Variants in XIRP2 observed in about 807,000 individuals in gnomAD.
XIRP2 encodes the protein xin actin binding repeat containing 2, also known as xin actin-binding repeat-containing protein 2.
XIRP2 carries 236 observed loss-of-function variants against 277.0 expected under a neutral mutation model. The observed-to-expected ratio is 0.85, with a 90% CI of 0.77 to 0.95. The LOEUF (loss-of-function observed/expected upper bound fraction) is 0.95. XIRP2 is among the 40% of genes least tolerant of loss of function. The pLI, the probability that XIRP2 is intolerant of heterozygous loss-of-function variation, is 0.00. For missense variants in XIRP2, 4,640 were observed against 4,157.5 expected (o/e 1.12, Z -3.19); for synonymous variants, 1,490 against 1,416.5 (o/e 1.05, Z -1.17).
At chr2:167,220,552 CAG>C (rs1414077353) in intron 5 of XIRP2, among the ~76,000 whole-genome samples, 9 of 152,208 alleles carry the variant, frequency 5.9e-5, no homozygotes, top group Non-Finnish European at 1.0e-4. Flanking sequence ...CTTAACCTCT[CAG>C]AATCACTTCC....
At chr2:167,240,616 A>G (rs1442929631) in intron 6 of XIRP2, 48 bp from the exon 7 acceptor site, 1 of 1,524,922 alleles carries the variant, frequency 6.6e-7, no homozygotes, top group Admixed American at 1.7e-5. Context: ...GTACTAAAAT[A>G]ATTGACTTCT....
intron 2 of XIRP2, among the ~76,000 whole-genome samples, chr2:166,974,045 C>T (rs1251258922): frequency 6.6e-6 from 1 of 152,146 alleles, no homozygotes; most frequent in Non-Finnish European, 1.5e-5. Flanking sequence ...CAAAAGACAA[C>T]TACATAAAGA....
At chr2:167,052,522 G>T (rs1688940957) in intron 2 of XIRP2, among the ~76,000 whole-genome samples, 1 of 152,046 alleles carries the variant, frequency 6.6e-6, no homozygotes, top group African/African-American at 2.4e-5. Flanking sequence ...GGATTAACTT[G>T]AATCAGTTAA....
chr2:166,905,615 A>G (rs1164231489), intron 2 of XIRP2, among the ~76,000 whole-genome samples: 4 of 152,004 alleles, frequency 2.6e-5, no homozygotes, highest in African/African-American at 7.2e-5. Flanking sequence ...CTATGTCATA[A>G]TATGGTATTT....
At position 167,244,626 on chromosome 2, in the gene XIRP2, TA is replaced by T. The variant is rs752820304; in HGVS notation, c.3238del (p.Thr1080LeufsTer33). On this transcript the variant is annotated frameshift_variant, in exon 9 of 11. Coordinates refer to ENST00000409195, the MANE Select transcript of XIRP2 (RefSeq NM_152381.6). LOFTEE classifies it high-confidence loss of function. ...TTAGTGATGTGGAAGAAACAGAAAG[TA>T]AAACTGAACAAACTAGAGATATTGT... ...YFSDVEETES[K>X]TEQTRDIVKG... 2 of 1,612,846 alleles carry T rather than the reference TA, an allele frequency of 1.2e-6. No homozygotes were observed. Among genetic ancestry groups the T allele is most frequent in the Non-Finnish European group, 1.7e-6 (2 of 1,179,512 alleles).
At chr2:167,220,463 T>C (rs1221299970) in intron 5 of XIRP2, among the ~76,000 whole-genome samples, 3 of 152,230 alleles carry the variant, frequency 2.0e-5, no homozygotes, top group African/African-American at 7.2e-5. Flanking sequence ...GCTTAACACA[T>C]TGCCTGGTCC....
chr2:167,240,643 T>G (rs754451860), intron 6 of XIRP2, 21 bp from the exon 7 acceptor site: 13 of 1,607,846 alleles, frequency 8.1e-6, no homozygotes, highest in Non-Finnish European at 1.0e-5. Flanking sequence ...CAATTTATTT[T>G]CAAATTCTCT....
intron 3 of XIRP2, among the ~76,000 whole-genome samples, chr2:167,201,234 G>T (rs1170432311): frequency 9.9e-6 from 1 of 101,186 alleles, no homozygotes; most frequent in Non-Finnish European, 1.8e-5. Context: ...AAGAAAGAAA[G>T]AAAGAAAGAA....
intron 2 of XIRP2, among the ~76,000 whole-genome samples, chr2:166,936,448 T>A (rs1024497406): frequency 1.3e-5 from 2 of 152,262 alleles, no homozygotes; most frequent in South Asian, 4.1e-4. Flanking sequence ...TGGCTTTTGT[T>A]GCTACTGCTT....
intron 3 of XIRP2, among the ~76,000 whole-genome samples, chr2:167,137,913 C>G (rs996873270): frequency 6.6e-6 from 1 of 152,010 alleles, no homozygotes; most frequent in Admixed American, 6.6e-5. Context: ...TCATGGGGCC[C>G]CAAATTTCTA....
At position 167,245,267 on chromosome 2, in the gene XIRP2, A is replaced by G. The variant is rs1484587462; in HGVS notation, c.3875A>G (p.Asp1292Gly). 2.6e-5 allele frequency: 42 copies of G among 1,613,526 alleles called. No homozygotes were observed. Among genetic ancestry groups the G allele is most frequent in the Non-Finnish European group, 3.4e-5 (40 of 1,179,722 alleles). ...TTAGATGAGATTAAAGAAGAATCTG[A>G]CTATATCAGCACCAAGAAAACAATT... ...FSLDEIKEES[D>G]YISTKKTITE... Residue 1292 changes from aspartate (D) to glycine (G), a missense_variant, in exon 9 of 11, where the codon GAC becomes GGC. Transcript: ENST00000409195.
At chr2:167,075,516 A>G (rs1689541919) in intron 2 of XIRP2, among the ~76,000 whole-genome samples, 1 of 152,146 alleles carries the variant, frequency 6.6e-6, no homozygotes, top group African/African-American at 2.4e-5. Context: ...AGCCAATTTT[A>G]TTAGATTGCT....
intron 2 of XIRP2, among the ~76,000 whole-genome samples, chr2:167,120,123 C>G (rs1691013897): frequency 6.6e-6 from 1 of 152,032 alleles, no homozygotes; most frequent in Non-Finnish European, 1.5e-5. Flanking sequence ...GTTTTTTGAC[C>G]AGCTGTAGTC....
chr2:166,888,863 G>A (rs946898226), intron 1 of XIRP2, among the ~76,000 whole-genome samples: 1 of 152,184 alleles, frequency 6.6e-6, no homozygotes, highest in Admixed American at 6.5e-5. Context: ...ACGTAAGTTT[G>A]GCTATATATT....
intron 3 of XIRP2, among the ~76,000 whole-genome samples, chr2:167,175,408 G>C (rs1234649947): frequency 6.6e-6 from 1 of 152,120 alleles, no homozygotes; most frequent in Non-Finnish European, 1.5e-5. Flanking sequence ...CTGCAGGTGT[G>C]CTGGAGTTTG....
chr2:167,150,612 C>T (rs1363182397), intron 3 of XIRP2, among the ~76,000 whole-genome samples: 1 of 151,840 alleles, frequency 6.6e-6, no homozygotes, highest in Admixed American at 6.6e-5. Flanking sequence ...TAGGAAGTGT[C>T]TGAGATGTAT....
Position 167,021,746 on chromosome 2 carries a change from G to A in XIRP2, c.409-114163G>A, listed in dbSNP as rs183641329. ...AGGTGGAGGTGGGAGGATCTCATGAGCCCAAGAGATTGAGGCTGTGGTGAG... is the reference window on the plus strand; with the variant it reads ...AGGTGGAGGTGGGAGGATCTCATGAACCCAAGAGATTGAGGCTGTGGTGAG... On this transcript the variant is annotated intron_variant, in intron 2 of 10. Transcript: ENST00000409195. 5.3e-5 allele frequency among the ~76,000 whole-genome samples: 8 copies of A among 152,152 alleles called. 1 individual carries two copies. The East Asian group carries it at 1.6e-3, about 30-fold the overall frequency.
intron 2 of XIRP2, 39 bp from the exon 3 acceptor site, chr2:167,135,870 A>G: frequency 6.6e-7 from 1 of 1,515,494 alleles, no homozygotes; most frequent in Non-Finnish European, 8.8e-7. Flanking sequence ...TTTCCTACTG[A>G]TAGCTTTTAA....
chr2:167,184,159 G>A (rs1260376688), intron 3 of XIRP2, among the ~76,000 whole-genome samples: 1 of 152,074 alleles, frequency 6.6e-6, no homozygotes, highest in African/African-American at 2.4e-5. Flanking sequence ...AACCTTTGCT[G>A]GTTCATCTGT....
Sources: gnomAD v4.1 joint callset for allele counts (sites outside exome capture counted in the v4.1 genomes callset) on GRCh38, gnomAD v4.1.1 for gene constraint, MANE v1.5 for transcripts, NCBI Gene and HGNC (gene_info 2026-07-23, HGNC 2026-07-21) for gene names.